Variants in CTNND2 observed in about 807,000 individuals in gnomAD.
CTNND2 encodes catenin delta-2.
A neutral mutation model predicts 144.4 loss-of-function variants in CTNND2; 22 were observed. The observed-to-expected ratio is 0.15, with a 90% CI of 0.11 to 0.22. The LOEUF (loss-of-function observed/expected upper bound fraction) is 0.22, where lower values mean the gene tolerates loss of function less well. CTNND2 is among the 10% of genes least tolerant of loss of function. The pLI, the probability that CTNND2 is intolerant of heterozygous loss-of-function variation, is 1.00. For missense variants in CTNND2, 1,353 were observed against 1,618.8 expected (o/e 0.84, Z 2.82); for synonymous variants, 751 against 695.6 (o/e 1.08, Z -1.25).
At chr5:11,522,100 G>C (rs1772780592) in intron 3 of CTNND2, among the ~76,000 whole-genome samples, 1 of 152,172 alleles carries the variant, frequency 6.6e-6, no homozygotes, top group Non-Finnish European at 1.5e-5. Flanking sequence ...CACACAGCGT[G>C]AGAATTTAAA....
chr5:11,680,045 T>A (rs1040412696), intron 2 of CTNND2, among the ~76,000 whole-genome samples: 4 of 152,098 alleles, frequency 2.6e-5, no homozygotes, highest in African/African-American at 9.7e-5. Context: ...AAGTGTAACA[T>A]GAAGGAAAGT....
chr5:11,519,235 T>G (rs32628), intron 3 of CTNND2, among the ~76,000 whole-genome samples: 66,158 of 152,002 alleles, frequency 0.44, 15,140 homozygotes, highest in South Asian at 0.55. Context: ...ATTTACAGCT[T>G]CTTTTTAAAG....
At chr5:11,305,120 G>A (rs1255029249) in intron 9 of CTNND2, among the ~76,000 whole-genome samples, 1 of 152,172 alleles carries the variant, frequency 6.6e-6, no homozygotes, top group Non-Finnish European at 1.5e-5. Flanking sequence ...TGCTAATGTA[G>A]CTCTTACTAC....
chr5:11,194,184 C>T (rs79339733), intron 11 of CTNND2, among the ~76,000 whole-genome samples: 1 of 152,004 alleles, frequency 6.6e-6, no homozygotes, highest in Non-Finnish European at 1.5e-5. Flanking sequence ...CAGAGGGGAC[C>T]CTATCCCAGG....
intron 1 of CTNND2, among the ~76,000 whole-genome samples, chr5:11,876,492 A>G (rs1735579953): frequency 6.6e-6 from 1 of 152,206 alleles, no homozygotes; most frequent in Non-Finnish European, 1.5e-5. Flanking sequence ...GTTAAAATCA[A>G]TATAATCATA....
chr5:11,192,357 T>C (rs897535062), intron 11 of CTNND2, among the ~76,000 whole-genome samples: 8 of 152,080 alleles, frequency 5.3e-5, no homozygotes, highest in Admixed American at 2.0e-4. Context: ...CCTCAGACAC[T>C]GTGGGGAGCA....
At chr5:11,465,704 G>T (rs1766610917) in intron 3 of CTNND2, among the ~76,000 whole-genome samples, 2 of 152,172 alleles carry the variant, frequency 1.3e-5, no homozygotes, top group African/African-American at 4.8e-5. Flanking sequence ...AACCATCATG[G>T]TGACTAAATA....
intron 3 of CTNND2, among the ~76,000 whole-genome samples, chr5:11,465,302 C>CT (rs538279094): frequency 0.22 from 30,995 of 139,200 alleles, 6,277 homozygotes; most frequent in African/African-American, 0.55. Flanking sequence ...CAAAACTGAA[C>CT]TTTTTTTTTT....
rs950701492 is a variant in CTNND2 at position 10,973,446 on chromosome 5, C to T, written c.*7G>A. The T allele has an allele frequency of 6.3e-6, 10 of 1,578,644 alleles. No individual in the cohort carries two copies. Among genetic ancestry groups the T allele is most frequent in the African/African-American group, 5.4e-5 (4 of 74,082 alleles). On this transcript the variant is annotated 3_prime_UTR_variant, in exon 22 of 22. Transcript: ENST00000304623. This position sits in a 1 kb window ranked among gnomAD's most constrained non-coding sequence, Gnocchi z 5.6. ...GCACTGTTCCCGGAGCGCCTGTGCC[C>T]TGCTCCTCACACCCAGGAGTCGGGG...
At chr5:10,997,532 C>T (rs1739481147) in intron 18 of CTNND2, among the ~76,000 whole-genome samples, 1 of 150,942 alleles carries the variant, frequency 6.6e-6, no homozygotes, top group Non-Finnish European at 1.5e-5. Context: ...GCGGAGATTG[C>T]AGTGAGCTGA....
intron 1 of CTNND2, among the ~76,000 whole-genome samples, chr5:11,736,038 T>C (rs964862881): frequency 6.6e-6 from 1 of 152,190 alleles, no homozygotes; most frequent in African/African-American, 2.4e-5. Flanking sequence ...AAAGAAATTG[T>C]TTAAGGGCCC....
At chr5:11,185,744 C>A (rs909394420) in intron 11 of CTNND2, among the ~76,000 whole-genome samples, 1 of 152,104 alleles carries the variant, frequency 6.6e-6, no homozygotes, top group African/African-American at 2.4e-5. Context: ...GAATGACAAA[C>A]AAAAACATCT....
intron 13 of CTNND2, among the ~76,000 whole-genome samples, chr5:11,112,325 G>C (rs1279264335): frequency 6.6e-6 from 1 of 152,190 alleles, no homozygotes; most frequent in Non-Finnish European, 1.5e-5. Flanking sequence ...GAGAGTCACA[G>C]TGATGTGATG....
chr5:11,606,229 G>A (rs1780037148), intron 2 of CTNND2, among the ~76,000 whole-genome samples: 1 of 152,202 alleles, frequency 6.6e-6, no homozygotes. Flanking sequence ...CAAGAACCTA[G>A]ATGCAGATAC....
At chr5:11,482,476 G>C (rs1483202530) in intron 3 of CTNND2, among the ~76,000 whole-genome samples, 1 of 152,130 alleles carries the variant, frequency 6.6e-6, no homozygotes, top group East Asian at 1.9e-4. Context: ...CACTGTTCTA[G>C]GTGCTGGGAA....
At chr5:11,606,310 G>A (rs1561613630) in intron 2 of CTNND2, among the ~76,000 whole-genome samples, 3 of 152,152 alleles carry the variant, frequency 2.0e-5, no homozygotes, top group Admixed American at 1.3e-4. Context: ...AACCTACATC[G>A]GACTTCTGAG....
At chr5:11,128,800 T>TATA (rs1754995737) in intron 12 of CTNND2, among the ~76,000 whole-genome samples, 1 of 16,076 alleles carries the variant, frequency 6.2e-5, no homozygotes. Flanking sequence ...ATATATTATA[T>TATA]ATATACAATA....
At chr5:11,266,399 T>C (rs1745443959) in intron 9 of CTNND2, among the ~76,000 whole-genome samples, 2 of 152,218 alleles carry the variant, frequency 1.3e-5, no homozygotes, top group African/African-American at 4.8e-5. Flanking sequence ...GAACAAGACA[T>C]AAAGCTGCAG....
At chr5:11,106,107 C>G (rs918055901) in intron 14 of CTNND2, among the ~76,000 whole-genome samples, 24 of 152,202 alleles carry the variant, frequency 1.6e-4, no homozygotes, top group African/African-American at 5.8e-4. Context: ...AGTCCACGAA[C>G]AGAAACTGTC....
Sources: allele counts gnomAD v4.1 joint callset (sites outside exome capture counted in the v4.1 genomes callset), GRCh38; gene constraint gnomAD v4.1.1; non-coding constraint Gnocchi (gnomAD v3.1); transcripts MANE v1.5; gene names NCBI Gene and HGNC (gene_info 2026-07-23, HGNC 2026-07-21).